DHDDS: variants seen among roughly 807,000 people sequenced by gnomAD.
DHDDS encodes the protein dehydrodolichyl diphosphate synthase complex subunit DHDDS.
Under a neutral mutation model 46.2 loss-of-function variants are expected in DHDDS, and 16 were observed. That is an observed-to-expected ratio of 0.35 (90% CI 0.23 to 0.53). The LOEUF (loss-of-function observed/expected upper bound fraction) is 0.53, where lower values mean the gene tolerates loss of function less well. DHDDS is among the 20% of genes least tolerant of loss of function. DHDDS has a pLI of 0.94. For missense variants in DHDDS, 340 were observed against 423.7 expected, an observed-to-expected ratio of 0.80 and a Z score of 1.73; for synonymous variants, 151 against 163.1, an observed-to-expected ratio of 0.93 and a Z score of 0.56.
chr1:26,460,087 A>C lies in DHDDS; in HGVS notation c.708A>C (p.Thr236=). ...VFQPVLWPEY[T]FWNLFEAILQ... Reference sequence around the variant, plus strand: ...AACCCGTTCTGTGGCCAGAGTATACATTTTGGAACCTCTTCGAGGCCATCC... The same window carrying C: ...AACCCGTTCTGTGGCCAGAGTATACCTTTTGGAACCTCTTCGAGGCCATCC... Residue 236 remains threonine, a synonymous_variant, in exon 8 of 9, where the codon ACA becomes ACC. Transcript: ENST00000236342. 2 of 1,614,166 alleles carry C rather than the reference A, an allele frequency of 1.2e-6. No homozygotes were observed. Among genetic ancestry groups the C allele is most frequent in the Non-Finnish European group, 1.7e-6 (2 of 1,180,032 alleles).
In DHDDS at chr1:26,468,184, A is replaced by G. The variant is rs150936309; in HGVS notation, c.766-711A>G. 6.1e-4 allele frequency among the ~76,000 whole-genome samples: 93 copies of G among 152,186 alleles called. 1 individual carries two copies. Among genetic ancestry groups the G allele is most frequent in the African/African-American group, 2.0e-3 (81 of 41,490 alleles). On this transcript the variant is annotated intron_variant, in intron 8 of 8. Coordinates refer to ENST00000236342, the MANE Select transcript of DHDDS (RefSeq NM_205861.3). ...CACTTATTCTACTATGCAGAATGCA[A>G]TAAGTGGCTTAAGAGAGTTGAACCT... is the stretch of plus-strand genomic sequence containing the variant.
At chr1:26,452,175 A>T (rs902190208) in intron 6 of DHDDS, among the ~76,000 whole-genome samples, 9 of 152,058 alleles carry the variant, frequency 5.9e-5, no homozygotes. Context: ...CTTCCTGAGT[A>T]TCTGGGACCA....
chr1:26,447,689 G>T, intron 6 of DHDDS, 29 bp downstream of exon 6: 1 of 1,597,510 alleles, frequency 6.3e-7, no homozygotes, highest in Non-Finnish European at 8.6e-7. Context: ...CATGGTAATT[G>T]TTAAGGAAAA....
At chr1:26,440,912 G>A (rs1017704516) in intron 3 of DHDDS, among the ~76,000 whole-genome samples, 3 of 151,802 alleles carry the variant, frequency 2.0e-5, no homozygotes, top group African/African-American at 7.3e-5. Flanking sequence ...CAGCCCCAAA[G>A]GACTAAGTTT....
At chr1:26,468,822 T>G in intron 8 of DHDDS, 73 bp from the exon 9 acceptor site, 10 of 417,542 alleles carry the variant, frequency 2.4e-5, no homozygotes, top group Non-Finnish European at 2.9e-5. Flanking sequence ...CCCCACCCCC[T>G]ACCTCCTCCA....
intron 2 of DHDDS, among the ~76,000 whole-genome samples, chr1:26,436,065 T>C (rs1232360545): frequency 6.6e-6 from 1 of 152,002 alleles, no homozygotes; most frequent in Non-Finnish European, 1.5e-5. Context: ...AGTTCCTTTT[T>C]TCTGTGGAAG....
intron 8 of DHDDS, among the ~76,000 whole-genome samples, chr1:26,465,637 T>A (rs891864180): frequency 2.6e-5 from 4 of 152,202 alleles, no homozygotes; most frequent in Non-Finnish European, 5.9e-5. Context: ...CTAACACATG[T>A]CAAGTGCTGA....
chr1:26,454,614 C>A, intron 6 of DHDDS: 6 of 977,438 alleles, frequency 6.1e-6, no homozygotes, highest in Non-Finnish European at 7.8e-6. Context: ...CTTTTAATTA[C>A]ATTTATTTTA....
At chr1:26,462,731 T>C (rs1178356110) in intron 8 of DHDDS, 3 of 152,158 alleles carry the variant, frequency 2.0e-5, no homozygotes, top group African/African-American at 4.8e-5. Flanking sequence ...ACTTTGCATA[T>C]GGTTGTCAGA....
intron 4 of DHDDS, among the ~76,000 whole-genome samples, chr1:26,443,301 T>C (rs897563940): frequency 5.3e-5 from 8 of 152,212 alleles, no homozygotes; most frequent in African/African-American, 1.9e-4. Context: ...CCAGAGCCAA[T>C]AAACTATGGC....
chr1:26,441,692 C>T (rs916427480), intron 3 of DHDDS, among the ~76,000 whole-genome samples: 3 of 151,846 alleles, frequency 2.0e-5, no homozygotes, highest in Admixed American at 1.3e-4. Context: ...GTCAGGAGTT[C>T]GAGACCAGCC....
At position 26,469,521 on chromosome 1, in the gene DHDDS, C is replaced by T. The variant is rs1428695963; in HGVS notation, c.*390C>T. 3.5e-6 allele frequency: 1 copy of T among 288,300 alleles called. No homozygotes were observed. The highest frequency in any genetic ancestry group is 7.9e-5 in the East Asian group (1 of 12,728). 17.9% of individuals were successfully genotyped at this position (288,300 alleles called of 1,614,324 possible). On this transcript the variant is annotated 3_prime_UTR_variant, in exon 9 of 9. Transcript: ENST00000236342. ...TAGCTCTTTACCCTTCCATTTTAGC[C>T]TTCCACCCAGCTTCCACAAAAGATT...
At chr1:26,452,898 A>G (rs2075334777) in intron 6 of DHDDS, among the ~76,000 whole-genome samples, 5 of 152,184 alleles carry the variant, frequency 3.3e-5, no homozygotes, top group African/African-American at 9.7e-5. Context: ...CTGGAGTTTG[A>G]GACCAGCCCT....
intron 8 of DHDDS, among the ~76,000 whole-genome samples, chr1:26,462,071 T>G (rs1387512222): frequency 1.3e-5 from 2 of 151,246 alleles, no homozygotes; most frequent in Non-Finnish European, 2.9e-5. Flanking sequence ...TGTTTTTTTT[T>G]TTTTTTAGCA....
chr1:26,438,418 T>C, intron 3 of DHDDS, 134 bp downstream of exon 3: 1 of 852,472 alleles, frequency 1.2e-6, no homozygotes, highest in East Asian at 2.6e-5. Context: ...GTTTGCTTGC[T>C]AGCTATAGAT....
At chr1:26,446,468 A>C (rs148393390) in intron 5 of DHDDS, 36 bp downstream of exon 5, 7 of 1,594,422 alleles carry the variant, frequency 4.4e-6, no homozygotes, top group Non-Finnish European at 6.0e-6. Context: ...GAGCTGTTTC[A>C]ATCTTTGATT....
chr1:26,463,977 G>A (rs952166042), intron 8 of DHDDS, among the ~76,000 whole-genome samples: 1 of 149,416 alleles, frequency 6.7e-6, no homozygotes. Flanking sequence ...TTTACCTATG[G>A]ATCATATTTG....
intron 8 of DHDDS, among the ~76,000 whole-genome samples, chr1:26,461,689 A>G (rs2075424041): frequency 6.6e-6 from 1 of 152,206 alleles, no homozygotes; most frequent in Admixed American, 6.5e-5. Context: ...CCGGCCACAC[A>G]TAGAATACTT....
intron 3 of DHDDS, among the ~76,000 whole-genome samples, chr1:26,442,432 C>CT (rs1294987225): frequency 6.6e-6 from 1 of 152,180 alleles, no homozygotes; most frequent in African/African-American, 2.4e-5. Flanking sequence ...TAAGTGCATG[C>CT]TGGAGTCAGG....
Sources: allele counts gnomAD v4.1 joint callset (sites outside exome capture counted in the v4.1 genomes callset), GRCh38; gene constraint gnomAD v4.1.1; transcripts MANE v1.5; gene names NCBI Gene and HGNC (gene_info 2026-07-23, HGNC 2026-07-21).